Variants in SCUBE1 observed in about 807,000 individuals in gnomAD.
SCUBE1 encodes signal peptide, CUB and EGF-like domain-containing protein 1.
A neutral mutation model predicts 124.4 loss-of-function variants in SCUBE1; 59 were observed. The observed-to-expected ratio is 0.47, with a 90% CI of 0.38 to 0.59. The LOEUF (loss-of-function observed/expected upper bound fraction) is 0.59, where lower values mean the gene tolerates loss of function less well. SCUBE1 is among the 20% of genes least tolerant of loss of function. The pLI, the probability that SCUBE1 is intolerant of heterozygous loss-of-function variation, is 0.00. For synonymous variants in SCUBE1, 545 were observed against 550.9 expected (o/e 0.99, Z 0.15); for missense variants, 1,150 against 1,371.2 (o/e 0.84, Z 2.55).
In SCUBE1 at chr22:43,210,886, G is replaced by A. The variant is rs754595916; in HGVS notation, c.2383+36C>T. 1.2e-6 allele frequency: 2 copies of A among 1,612,072 alleles called. No individual in the cohort carries two copies. The highest frequency in any genetic ancestry group is 1.7e-6 in the Non-Finnish European group (2 of 1,178,592). On this transcript the variant is annotated intron_variant, in intron 18 of 21. Coordinates refer to ENST00000360835, the MANE Select transcript of SCUBE1 (RefSeq NM_173050.5). This position sits in a 1 kb window ranked among gnomAD's most constrained non-coding sequence, Gnocchi z 4.5. ...CCACAACCTGCCCAGCCCCTCCCGT[G>A]TTCCCAGCTTCCCACGGCAGAGCAG...
chr22:43,248,207 G>A (rs1923295048), intron 6 of SCUBE1, among the ~76,000 whole-genome samples: 2 of 152,198 alleles, frequency 1.3e-5, no homozygotes. Context: ...GAGCAGATGG[G>A]GGTCAAGTGT....
chr22:43,311,453 C>G (rs140211387), intron 3 of SCUBE1, among the ~76,000 whole-genome samples: 1 of 147,890 alleles, frequency 6.8e-6, no homozygotes, highest in Non-Finnish European at 1.5e-5. Context: ...CAGAGTCTCA[C>G]TCTGTCGCCC....
chr22:43,203,971 C>A lies in SCUBE1; in HGVS notation c.*26G>T, dbSNP rs758689002. On this transcript the variant is annotated 3_prime_UTR_variant, in exon 22 of 22. Transcript: ENST00000360835. ...GGTGCACCCTCCGCGGACCAGGCCACCCCCAGGCAGGGCCGCTCCCCCCGG... is the reference window on the plus strand; with the variant it reads ...GGTGCACCCTCCGCGGACCAGGCCAACCCCAGGCAGGGCCGCTCCCCCCGG... The A allele has an allele frequency of 2.5e-6, 4 of 1,612,666 alleles. No individual in the cohort carries two copies. The highest frequency in any genetic ancestry group is 3.4e-6 in the Non-Finnish European group (4 of 1,179,220).
chr22:43,214,348 TC>T, intron 15 of SCUBE1, 97 bp from the exon 16 acceptor site: 1 of 1,290,994 alleles, frequency 7.7e-7, no homozygotes, highest in South Asian at 1.5e-5. Context: ...ATAGACACAG[TC>T]CTTGTCCCCT....
rs1253469306 is a variant in SCUBE1, at chr22:43,280,324, AACCC to A, written c.484+10718_484+10721del. On this transcript the variant is annotated intron_variant, in intron 4 of 21. Transcript: ENST00000360835. ...GGGTAACAGGCCTCGCTGAAGTGTA[AACCC>A]GGGGCAGACAGAGGGCTCTGCCGAG... Among the ~76,000 whole-genome samples, 4 of 151,708 alleles carry A rather than the reference AACCC, an allele frequency of 2.6e-5. No homozygotes were observed. The East Asian group carries it at 7.8e-4, about 29-fold the overall frequency.
chr22:43,250,444 T>C lies in SCUBE1; in HGVS notation c.727+7775A>G, dbSNP rs1923396257. ...CCCAAGGTCCCCTCAGGCCAGGCAC[T>C]GCTTCTTGGGCAGTGTTCCTCTTTG... On this transcript the variant is annotated intron_variant, in intron 6 of 21. Coordinates refer to ENST00000360835, the MANE Select transcript of SCUBE1 (RefSeq NM_173050.5). Among the ~76,000 whole-genome samples the C allele has an allele frequency of 2.0e-5, 3 of 152,218 alleles. No homozygotes were observed. The South Asian group carries it at 6.2e-4, about 32-fold the overall frequency.
intron 10 of SCUBE1, 82 bp downstream of exon 10, chr22:43,227,292 C>T: frequency 6.8e-7 from 1 of 1,474,510 alleles, no homozygotes; most frequent in African/African-American, 1.4e-5. Context: ...GTCCTGCTCA[C>T]CCCCACCTCA....
intron 3 of SCUBE1, among the ~76,000 whole-genome samples, chr22:43,294,769 G>A (rs1244766272): frequency 2.6e-5 from 4 of 152,200 alleles, no homozygotes; most frequent in African/African-American, 9.6e-5. Flanking sequence ...GGAACTGACT[G>A]TCAGTGCATG....
At chr22:43,295,097 C>T (rs117155946) in intron 3 of SCUBE1, among the ~76,000 whole-genome samples, 1,619 of 152,288 alleles carry the variant, frequency 0.011, 9 homozygotes, top group Non-Finnish European at 0.018. Context: ...TCCCTCTCCT[C>T]CCGCAGGATT....
chr22:43,281,542 ACCCTCCTGTCACCTCCCCCT>A lies in SCUBE1; in HGVS notation c.484+9484_484+9503del, dbSNP rs1569011097. Among the ~76,000 whole-genome samples, 177 of 46,142 alleles carry A rather than the reference ACCCTCCTGTCACCTCCCCCT, an allele frequency of 3.8e-3. 5 individuals are homozygous for A. The highest frequency in any genetic ancestry group is 0.014 in the East Asian group (11 of 788). 30.3% of individuals were successfully genotyped at this position (46,142 alleles called of 152,430 possible). A position where few individuals can be genotyped will look rare whatever the true frequency, so the allele number is the denominator to read the frequency against. On this transcript the variant is annotated intron_variant, in intron 4 of 21. Coordinates refer to ENST00000360835, the MANE Select transcript of SCUBE1 (RefSeq NM_173050.5). ...CACCCTCCTGTCACCTCCCTCAGTC[ACCCTCCTGTCACCTCCCCCT>A]CAGCCACCCTCCTGTCACCTCCCTT...
rs758434110 is a variant in SCUBE1 at position 43,231,867 on chromosome 22, C to T, written c.853G>A (p.Glu285Lys). The T allele has an allele frequency of 3.1e-6, 5 of 1,613,366 alleles. No individual in the cohort carries two copies. The highest frequency in any genetic ancestry group is 2.2e-5 in the South Asian group (2 of 91,064). The change falls in exon 8 of 22, where the codon GAG becomes AAG. Residue 285 changes from glutamate to lysine, a missense_variant. By Grantham distance (56) the Glu-to-Lys change is moderately conservative. Transcript: ENST00000360835. Reference protein sequence around the residue: ...PDGKTCKDINECLVNNGGCDH... With the variant: ...PDGKTCKDINKCLVNNGGCDH... ...CAGCCTCCGTTGTTGACCAGGCACT[C>T]GTTGATGTCTGTGGGAGCCAAGGGG...
chr22:43,210,992 G>GTTCT lies in SCUBE1; in HGVS notation c.2309_2312dup (p.Asn771LysfsTer35). The GTTCT allele has an allele frequency of 6.2e-7, 1 of 1,614,164 alleles. No individual in the cohort carries two copies. The highest frequency in any genetic ancestry group is 8.5e-7 in the Non-Finnish European group (1 of 1,180,040). ...TGTTGCCCGGACAGGTGATGCAGTG[G>GTTCT]TTCTGGCCAAACTCGGGCTGGTAGG... On this transcript the variant is annotated frameshift_variant, in exon 18 of 22. Coordinates refer to ENST00000360835, the MANE Select transcript of SCUBE1 (RefSeq NM_173050.5). LOFTEE classifies it high-confidence loss of function. The surrounding 1 kb of genome is among the most constrained non-coding windows in gnomAD (Gnocchi z 4.5).
At chr22:43,221,343 T>A in intron 12 of SCUBE1, 54 bp from the exon 13 acceptor site, 1 of 731,550 alleles carries the variant, frequency 1.4e-6, no homozygotes, top group Non-Finnish European at 2.1e-6. Context: ...GGCAAGGAGG[T>A]GGTGGGGGAC....
rs1360669829 is a variant in SCUBE1 at position 43,281,524 on chromosome 22, C to T, written c.484+9522G>A. Among the ~76,000 whole-genome samples the T allele has an allele frequency of 3.3e-3, 288 of 86,484 alleles. 17 individuals are homozygous for T. The highest frequency in any genetic ancestry group is 0.015 in the East Asian group (19 of 1,234). 56.7% of individuals were successfully genotyped at this position (86,484 alleles called of 152,430 possible). A position where few individuals can be genotyped will look rare whatever the true frequency, so the allele number is the denominator to read the frequency against. On this transcript the variant is annotated intron_variant, in intron 4 of 21. Coordinates refer to ENST00000360835, the MANE Select transcript of SCUBE1 (RefSeq NM_173050.5). ...TGTCACCTCCTCCTCAGCCACCCTC[C>T]TGTCACCTCCCTCAGTCACCCTCCT...
intron 3 of SCUBE1, among the ~76,000 whole-genome samples, chr22:43,307,470 C>T (rs528508699): frequency 9.2e-5 from 14 of 152,322 alleles, no homozygotes; most frequent in South Asian, 4.1e-4. Flanking sequence ...GCGCAGACAA[C>T]GACTGCATCC....
At chr22:43,325,444 TAAAAAA>T (rs35598383) in intron 2 of SCUBE1, among the ~76,000 whole-genome samples, 5 of 89,484 alleles carry the variant, frequency 5.6e-5, no homozygotes, top group Admixed American at 1.4e-4. Context: ...ACTCCGTCTT[TAAAAAA>T]AAAAAAAAAA....
intron 4 of SCUBE1, among the ~76,000 whole-genome samples, chr22:43,263,445 C>G (rs1923947030): frequency 6.6e-6 from 1 of 152,222 alleles, no homozygotes; most frequent in Non-Finnish European, 1.5e-5. Context: ...GTCTGCCAAC[C>G]CACCAGCTCT....
chr22:43,307,553 C>T (rs1926016140), intron 3 of SCUBE1, among the ~76,000 whole-genome samples: 2 of 152,166 alleles, frequency 1.3e-5, no homozygotes, highest in African/African-American at 2.4e-5. Flanking sequence ...GACCGCACTG[C>T]CAGGTCACGG....
At position 43,198,606 on chromosome 22, in the gene SCUBE1, G is replaced by A. The variant is rs1298734910; in HGVS notation, c.*5391C>T. 2.2e-6 allele frequency: 1 copy of A among 456,732 alleles called. No homozygotes were observed. Among genetic ancestry groups the A allele is most frequent in the Non-Finnish European group, 4.4e-6 (1 of 226,976 alleles). 28.3% of individuals were successfully genotyped at this position (456,732 alleles called of 1,614,324 possible). A position where few individuals can be genotyped will look rare whatever the true frequency, so the allele number is the denominator to read the frequency against. On this transcript the variant is annotated 3_prime_UTR_variant, in exon 22 of 22. Coordinates refer to ENST00000360835, the MANE Select transcript of SCUBE1 (RefSeq NM_173050.5). The stretch of plus-strand genomic sequence containing the variant: ...ATCCTCTGCCCTTGGCCTGAATGAT[G>A]TCGGCTCGGCATGGACACCTTGTGC...
Sources: gnomAD v4.1 joint callset for allele counts (sites outside exome capture counted in the v4.1 genomes callset) on GRCh38, gnomAD v4.1.1 for gene constraint, Gnocchi (gnomAD v3.1) non-coding constraint, MANE v1.5 for transcripts, NCBI Gene and HGNC (gene_info 2026-07-23, HGNC 2026-07-21) for gene names.